The following TUSC3 variants were observed in gnomAD, a reference collection of about 807,000 sequenced individuals.
TUSC3 encodes tumor suppressor candidate 3.
TUSC3 carries 45 observed loss-of-function variants against 44.8 expected under a neutral mutation model. The ratio of observed to expected loss-of-function variants is 1.00; its 90% CI spans 0.79 to 1.29. TUSC3 has a LOEUF of 1.29. Among genes scored for constraint, TUSC3 ranks in the 50% most tolerant of loss-of-function variants. The pLI is 0.00. For synonymous variants in TUSC3, 212 were observed against 152.9 expected, an observed-to-expected ratio of 1.39 and a Z score of -2.85; for missense variants, 519 against 437.9, an observed-to-expected ratio of 1.19 and a Z score of -1.65.
chr8:15,744,872 T>A (rs1478516810), intron 8 of TUSC3, among the ~76,000 whole-genome samples: 1 of 152,086 alleles, frequency 6.6e-6, no homozygotes, highest in Non-Finnish European at 1.5e-5. Flanking sequence ...TGGATGATAC[T>A]GAGGTTTAGG....
Position 15,540,461 on chromosome 8 carries a change from A to G in TUSC3, c.31A>G (p.Arg11Gly), listed in dbSNP as rs778667759. 3.1e-6 allele frequency: 5 copies of G among 1,605,206 alleles called. No homozygotes were observed. The African/African-American group carries it at 6.8e-5, about 22-fold the overall frequency. MGARGAPSRRRQAGRRLRYLP... is the reference protein window; with the variant it reads MGARGAPSRRGQAGRRLRYLP... ...GGCCCGGGGCGCTCCTTCACGCCGTAGGCAAGCGGGGCGGCGGCTGCGGTA... is the reference window on the plus strand; with the variant it reads ...GGCCCGGGGCGCTCCTTCACGCCGTGGGCAAGCGGGGCGGCGGCTGCGGTA... The change falls in exon 1 of 11, where the codon AGG (arginine) becomes GGG (glycine). Residue 11 changes from arginine (R) to glycine (G), a missense_variant. By Grantham distance (125) the Arg-to-Gly change is moderately radical. Transcript: ENST00000503731.
intron 2 of TUSC3, among the ~76,000 whole-genome samples, chr8:15,634,243 A>C (rs1356186872): frequency 6.6e-6 from 1 of 152,188 alleles, no homozygotes; most frequent in African/African-American, 2.4e-5. Flanking sequence ...CATCATTAAG[A>C]AACCCAGGTT....
chr8:15,597,052 G>T (rs969375320), intron 1 of TUSC3, among the ~76,000 whole-genome samples: 2 of 152,094 alleles, frequency 1.3e-5, no homozygotes, highest in Admixed American at 6.6e-5. Context: ...AGTCAGACTT[G>T]TTGTCTGAGA....
At chr8:15,689,144 C>A in intron 6 of TUSC3, 1 of 403,156 alleles carries the variant, frequency 2.5e-6, no homozygotes, top group Admixed American at 3.0e-5. Context: ...GCTCATTTAT[C>A]GCTTTTTCTT....
chr8:15,735,309 G>A lies in TUSC3; in HGVS notation c.862+4580G>A, dbSNP rs78936730. On this transcript the variant is annotated intron_variant, in intron 7 of 10. Transcript: ENST00000503731. Reference sequence around the variant, plus strand: ...AGAAGAAACAAAATTGATAATAAATGTCACAAGTAAGGTTCAAGAACAGGA... The same window carrying A: ...AGAAGAAACAAAATTGATAATAAATATCACAAGTAAGGTTCAAGAACAGGA... Among the ~76,000 whole-genome samples, 1,324 of 152,212 alleles carry A rather than the reference G, an allele frequency of 8.7e-3. 18 individuals carry two copies. Among genetic ancestry groups the A allele is most frequent in the African/African-American group, 0.03 (1,228 of 41,532 alleles).
chr8:15,822,847 A>G, the TUSC3 span, among the ~76,000 whole-genome samples: 1 of 152,158 alleles, frequency 6.6e-6, no homozygotes, highest in African/African-American at 2.4e-5. Flanking sequence ...GAAGATTCTT[A>G]GTGACCTTCG....
intron 4 of TUSC3, among the ~76,000 whole-genome samples, chr8:15,661,802 C>A (rs1563159869): frequency 6.7e-6 from 1 of 150,002 alleles, no homozygotes; most frequent in African/African-American, 2.4e-5. Context: ...GCTAGTTTGT[C>A]TATATATATA....
At chr8:15,717,749 C>G (rs918040275) in intron 6 of TUSC3, among the ~76,000 whole-genome samples, 5 of 152,060 alleles carry the variant, frequency 3.3e-5, no homozygotes, top group African/African-American at 1.2e-4. Context: ...TACCATGTAA[C>G]TTAATTGCCA....
chr8:15,524,778 A>T (rs1018630194), intron 2 of TUSC3, among the ~76,000 whole-genome samples: 6 of 152,304 alleles, frequency 3.9e-5, no homozygotes, highest in African/African-American at 1.4e-4. Flanking sequence ...GAAGTTTTGC[A>T]GACACCCTAT....
intron 2 of TUSC3, among the ~76,000 whole-genome samples, chr8:15,516,594 C>T (rs1268795802): frequency 6.6e-6 from 1 of 152,144 alleles, no homozygotes; most frequent in East Asian, 1.9e-4. Context: ...CATTTGGCCC[C>T]TCCTCGAAAT....
chr8:15,508,042 G>A (rs189941192), intron 2 of TUSC3, among the ~76,000 whole-genome samples: 26 of 152,168 alleles, frequency 1.7e-4, no homozygotes, highest in South Asian at 2.1e-4. Flanking sequence ...AGGAGTTCAC[G>A]GCCAGCCTGG....
At chr8:15,661,725 C>T (rs558893945) in intron 4 of TUSC3, among the ~76,000 whole-genome samples, 3 of 151,502 alleles carry the variant, frequency 2.0e-5, no homozygotes, top group South Asian at 2.1e-4. Context: ...TAAAGGATAC[C>T]GTCAAAAAAG....
chr8:15,524,454 T>G (rs1323047537), intron 2 of TUSC3, among the ~76,000 whole-genome samples: 1 of 152,182 alleles, frequency 6.6e-6, no homozygotes, highest in Non-Finnish European at 1.5e-5. Context: ...ACGTCTTACA[T>G]TTCCATAAAC....
chr8:15,537,961 C>CA (rs1039481054), upstream of TUSC3, among the ~76,000 whole-genome samples: 2 of 152,076 alleles, frequency 1.3e-5, no homozygotes, highest in Non-Finnish European at 2.9e-5. Context: ...AGTGTTAAAG[C>CA]AAAAATACGC....
At chr8:15,750,861 A>C (rs1003849505) in intron 9 of TUSC3, among the ~76,000 whole-genome samples, 4 of 152,196 alleles carry the variant, frequency 2.6e-5, no homozygotes, top group African/African-American at 9.6e-5. Context: ...AAACTCTTGT[A>C]AGAAGTCAGA....
At chr8:15,447,210 A>G (rs1000723646) in intron 1 of TUSC3, among the ~76,000 whole-genome samples, 2 of 152,208 alleles carry the variant, frequency 1.3e-5, no homozygotes, top group African/African-American at 2.4e-5. Flanking sequence ...CAAAAATCCC[A>G]GAAACAACTA....
the TUSC3 span, among the ~76,000 whole-genome samples, chr8:15,813,737 C>T: frequency 6.6e-6 from 1 of 151,990 alleles, no homozygotes. Flanking sequence ...TGGGATGGAT[C>T]AAGATAGCTT....
At chr8:15,724,009 G>C (rs1415379175) in intron 6 of TUSC3, among the ~76,000 whole-genome samples, 1 of 152,126 alleles carries the variant, frequency 6.6e-6, no homozygotes, top group Non-Finnish European at 1.5e-5. Flanking sequence ...CTGTTTGGAC[G>C]TGGGTCTTTA....
chr8:15,441,856 A>T (rs1174058836), intron 1 of TUSC3, among the ~76,000 whole-genome samples: 1 of 152,202 alleles, frequency 6.6e-6, no homozygotes, highest in Non-Finnish European at 1.5e-5. Context: ...CACAATGTCA[A>T]CCAAACAAGT....
Sources: gnomAD v4.1 joint callset for allele counts (sites outside exome capture counted in the v4.1 genomes callset) on GRCh38, gnomAD v4.1.1 for gene constraint, MANE v1.5 for transcripts, NCBI Gene and HGNC (gene_info 2026-07-23, HGNC 2026-07-21) for gene names.